CHD9: variants seen among roughly 807,000 people sequenced by gnomAD.
The protein encoded by CHD9 is chromodomain helicase DNA binding protein 9.
A neutral mutation model predicts 316.1 loss-of-function variants in CHD9; 77 were observed. That is an observed-to-expected ratio of 0.24 (90% CI 0.20 to 0.29). CHD9 has a LOEUF of 0.29. Ranked by LOEUF, CHD9 falls within the 10% of genes least tolerant of loss-of-function variation. The pLI is 1.00. For synonymous variants in CHD9, 1,129 were observed against 1,158.3 expected (o/e 0.97, Z 0.51); for missense variants, 2,763 against 3,438.1 (o/e 0.80, Z 4.91).
intron 10 of CHD9, 132 bp downstream of exon 10, chr16:53,231,916 T>G: frequency 2.3e-6 from 2 of 857,482 alleles, no homozygotes; most frequent in Admixed American, 3.0e-5. Flanking sequence ...AGTCTAGTTT[T>G]GGGAGCCAAA....
At chr16:53,219,940 G>A (rs747421444) in intron 3 of CHD9, among the ~76,000 whole-genome samples, 20 of 152,206 alleles carry the variant, frequency 1.3e-4, no homozygotes, top group Non-Finnish European at 1.6e-4. Flanking sequence ...TTTGAGAGTT[G>A]AGATTATAGT....
chr16:53,254,767 T>C (rs541781654), intron 18 of CHD9, 162 bp downstream of exon 18: 35 of 476,856 alleles, frequency 7.3e-5, no homozygotes, highest in African/African-American at 6.8e-4. Context: ...TTAATACTTT[T>C]GAATCCTTTT....
chr16:53,266,082 A>G (rs1315393890), intron 20 of CHD9, among the ~76,000 whole-genome samples: 3 of 152,050 alleles, frequency 2.0e-5, no homozygotes, highest in Non-Finnish European at 1.5e-5. Context: ...AGGAAATAAA[A>G]AATCACCATG....
intron 1 of CHD9, among the ~76,000 whole-genome samples, chr16:53,068,472 C>T (rs1253350338): frequency 2.0e-5 from 3 of 152,146 alleles, no homozygotes; most frequent in Admixed American, 6.6e-5. Flanking sequence ...ACACAGGGCC[C>T]GCTAAAGTGC....
At chr16:53,087,132 G>A (rs1425335987) in intron 1 of CHD9, among the ~76,000 whole-genome samples, 2 of 152,162 alleles carry the variant, frequency 1.3e-5, no homozygotes, top group Non-Finnish European at 2.9e-5. Flanking sequence ...TCTTTAGAGA[G>A]AAGAGTGACT....
rs946266071 is a variant in CHD9 at position 53,238,401 on chromosome 16, T to C, written c.2692T>C (p.Phe898Leu). ...GLGKTIQSIT[F>L]LYEILLTGIR... is the part of the protein sequence containing the mutation. Reference sequence around the variant, plus strand: ...TGGCAAAACTATTCAATCAATTACATTCCTCTATGAAATCCTTCTGACTGG... The same window carrying C: ...TGGCAAAACTATTCAATCAATTACACTCCTCTATGAAATCCTTCTGACTGG... The change falls in exon 12 of 39, where the codon TTC becomes CTC. Residue 898 changes from phenylalanine (F) to leucine (L), a missense_variant. By Grantham distance (22) the Phe-to-Leu change is conservative. Coordinates refer to ENST00000447540, the MANE Select transcript of CHD9 (RefSeq NM_001308319.2). 4 of 1,612,878 alleles carry C rather than the reference T, an allele frequency of 2.5e-6. No homozygotes were observed. The highest frequency in any genetic ancestry group is 3.4e-6 in the Non-Finnish European group (4 of 1,179,198).
intron 20 of CHD9, among the ~76,000 whole-genome samples, chr16:53,264,681 G>A (rs774488357): frequency 6.6e-6 from 1 of 152,166 alleles, no homozygotes; most frequent in African/African-American, 2.4e-5. Flanking sequence ...AGTAGAATTA[G>A]ACTAGGTGAA....
intron 24 of CHD9, among the ~76,000 whole-genome samples, chr16:53,277,916 A>T (rs1271877759): frequency 3.3e-5 from 5 of 152,182 alleles, no homozygotes; most frequent in African/African-American, 1.2e-4. Context: ...AAGTTTCAGG[A>T]TACAAAATTA....
At chr16:53,109,009 CTG>C (rs2037614234) in intron 1 of CHD9, among the ~76,000 whole-genome samples, 1 of 152,104 alleles carries the variant, frequency 6.6e-6, no homozygotes, top group South Asian at 2.1e-4. Flanking sequence ...GGGGGTGTAT[CTG>C]GGGATAACTG....
intron 3 of CHD9, among the ~76,000 whole-genome samples, chr16:53,214,856 T>C (rs1166599113): frequency 6.6e-6 from 1 of 152,046 alleles, no homozygotes. Flanking sequence ...AACTATGGCA[T>C]GTCATTGATT....
Position 53,156,274 on chromosome 16 carries a change from A to G in CHD9, c.185A>G (p.His62Arg). ...SLNHVQGTPT[H>R]QKMTDFEQLN... ...AACCATGTTCAAGGTACTCCAACAC[A>G]TCAGAAGATGACTGATTTTGAACAG... The change falls in exon 2 of 39, where the codon CAT becomes CGT. Residue 62 changes from histidine (H) to arginine (R), a missense_variant. His to Arg is a conservative substitution (Grantham distance 29). Around this residue, in one of 15 missense-constraint regions of CHD9, gnomAD observed 859 missense variants for 890.4 expected, o/e 0.96. Coordinates refer to ENST00000447540, the MANE Select transcript of CHD9 (RefSeq NM_001308319.2). The G allele has an allele frequency of 1.9e-6, 3 of 1,614,016 alleles. No homozygotes were observed. The highest frequency in any genetic ancestry group is 2.5e-6 in the Non-Finnish European group (3 of 1,179,866).
intron 37 of CHD9, chr16:53,321,211 A>G (rs2057253879): frequency 7.6e-7 from 1 of 1,316,410 alleles, no homozygotes; most frequent in Non-Finnish European, 9.9e-7. Flanking sequence ...TCGAGTTCAC[A>G]TAGCTGGTAA....
At chr16:53,295,520 A>T (rs1374787293) in intron 29 of CHD9, among the ~76,000 whole-genome samples, 2 of 152,232 alleles carry the variant, frequency 1.3e-5, no homozygotes, top group Non-Finnish European at 2.9e-5. Context: ...CGTTTGTCAC[A>T]ATAATATAAG....
chr16:53,203,266 A>T (rs958108499), intron 2 of CHD9, among the ~76,000 whole-genome samples: 1 of 152,212 alleles, frequency 6.6e-6, no homozygotes, highest in African/African-American at 2.4e-5. Flanking sequence ...TATCTTTATA[A>T]TACCAAATTA....
chr16:53,180,972 G>T (rs2043462065), intron 2 of CHD9, among the ~76,000 whole-genome samples: 1 of 151,480 alleles, frequency 6.6e-6, no homozygotes, highest in Non-Finnish European at 1.5e-5. Context: ...ACCTCGCCCA[G>T]CCTGAAACAG....
At chr16:53,306,430 T>C (rs1320184815) in intron 32 of CHD9, 33 bp downstream of exon 32, 16 of 1,496,090 alleles carry the variant, frequency 1.1e-5, no homozygotes, top group Non-Finnish European at 1.4e-5. Context: ...GGATAGGTCA[T>C]TTTTTAGTAT....
At chr16:53,146,441 A>T (rs1436982737) in intron 1 of CHD9, among the ~76,000 whole-genome samples, 3 of 138,076 alleles carry the variant, frequency 2.2e-5, no homozygotes, top group South Asian at 4.5e-4. Flanking sequence ...ATATATAATT[A>T]AAAAGTTCCA....
At chr16:53,119,700 C>T (rs1384730921) in intron 1 of CHD9, among the ~76,000 whole-genome samples, 3 of 152,068 alleles carry the variant, frequency 2.0e-5, no homozygotes, top group South Asian at 2.1e-4. Context: ...GGCGTGTTGG[C>T]GCATGCCTGT....
At chr16:53,165,738 C>T (rs1479461930) in intron 2 of CHD9, among the ~76,000 whole-genome samples, 1 of 137,404 alleles carries the variant, frequency 7.3e-6, no homozygotes, top group African/African-American at 2.7e-5. Flanking sequence ...AAGCTATTTG[C>T]TGTTTTTTTT....
Sources: allele counts gnomAD v4.1 joint callset (sites outside exome capture counted in the v4.1 genomes callset), GRCh38; gene constraint gnomAD v4.1.1; regional missense constraint gnomAD v4.1.1; transcripts MANE v1.5; gene names NCBI Gene and HGNC (gene_info 2026-07-23, HGNC 2026-07-21).